RPTOR: variants seen among roughly 807,000 people sequenced by gnomAD.
RPTOR encodes the protein regulatory-associated protein of mTOR.
A neutral mutation model predicts 169.9 loss-of-function variants in RPTOR; 21 were observed. The observed-to-expected ratio is 0.12, with a 90% CI of 0.09 to 0.18. RPTOR has a LOEUF of 0.18. Among genes scored for constraint, RPTOR ranks in the 10% least tolerant of loss-of-function variants. RPTOR has a pLI of 1.00. For missense variants in RPTOR, 1,133 were observed against 1,855.9 expected (o/e 0.61, Z 7.16); for synonymous variants, 732 against 753.2 (o/e 0.97, Z 0.46).
At chr17:80,745,139 A>AATTTCC (rs2066559654) in intron 5 of RPTOR, among the ~76,000 whole-genome samples, 1 of 152,246 alleles carries the variant, frequency 6.6e-6, no homozygotes, top group African/African-American at 2.4e-5. Context: ...GAGGGTGAAG[A>AATTTCC]ATTTCCAGTA....
chr17:80,757,285 T>G (rs56032528), intron 6 of RPTOR, among the ~76,000 whole-genome samples: 26,967 of 152,082 alleles, frequency 0.18, 2,836 homozygotes, highest in East Asian at 0.24. Context: ...AACCAGAAAT[T>G]AATGGGAGAC....
intron 5 of RPTOR, among the ~76,000 whole-genome samples, chr17:80,744,370 C>T (rs1468619858): frequency 8.6e-6 from 1 of 116,746 alleles, no homozygotes; most frequent in Non-Finnish European, 1.8e-5. Flanking sequence ...GTCCTGGTTA[C>T]GAGCACAGCC....
intron 1 of RPTOR, among the ~76,000 whole-genome samples, chr17:80,605,478 T>C (rs2065222022): frequency 6.6e-6 from 1 of 152,164 alleles, no homozygotes; most frequent in African/African-American, 2.4e-5. Context: ...TCCGTTACTG[T>C]GTCCGTGATG....
intron 21 of RPTOR, among the ~76,000 whole-genome samples, chr17:80,917,759 C>G (rs2068691290): frequency 6.6e-6 from 1 of 152,168 alleles, no homozygotes; most frequent in Admixed American, 6.5e-5. Flanking sequence ...GTGATCCCTC[C>G]CTCTAGAACT....
At chr17:80,751,153 G>C (rs545480315) in intron 5 of RPTOR, among the ~76,000 whole-genome samples, 1 of 152,162 alleles carries the variant, frequency 6.6e-6, no homozygotes, top group African/African-American at 2.4e-5. Flanking sequence ...ACCGTGGTGC[G>C]AGGTGGCTGT....
Position 80,659,698 on chromosome 17 carries a change from G to A in RPTOR, c.348+15888G>A, listed in dbSNP as rs2065706680. Among the ~76,000 whole-genome samples the A allele has an allele frequency of 1.3e-5, 2 of 151,984 alleles. No individual in the cohort carries two copies. Among genetic ancestry groups the A allele is most frequent in the South Asian group, 2.1e-4 (1 of 4,810 alleles). ...ATTTCTGTATTTTTAGTAGAGATGT[G>A]GTTTCACCATGTTGGCCAGGCTGGT... On this transcript the variant is annotated intron_variant, in intron 3 of 33. Coordinates refer to ENST00000306801, the MANE Select transcript of RPTOR (RefSeq NM_020761.3). The surrounding 1 kb of genome is among the most constrained non-coding windows in gnomAD (Gnocchi z 4.3).
intron 20 of RPTOR, among the ~76,000 whole-genome samples, chr17:80,907,734 C>T (rs966154477): frequency 1.3e-5 from 2 of 152,248 alleles, no homozygotes; most frequent in Non-Finnish European, 2.9e-5. Context: ...GGCTCCGCGT[C>T]CCCATCACCT....
At chr17:80,777,323 A>T (rs1411476586) in intron 6 of RPTOR, among the ~76,000 whole-genome samples, 2 of 152,100 alleles carry the variant, frequency 1.3e-5, no homozygotes, top group Non-Finnish European at 2.9e-5. Flanking sequence ...GATAGTAAAG[A>T]TCACCTGGTT....
chr17:80,784,767 C>T (rs7209132), intron 6 of RPTOR, among the ~76,000 whole-genome samples: 89,613 of 150,548 alleles, frequency 0.6, 27,288 homozygotes, highest in East Asian at 0.77. Flanking sequence ...GGCGCAATCT[C>T]GGCTCACTGC....
chr17:80,548,472 C>A (rs1457600935), intron 1 of RPTOR, among the ~76,000 whole-genome samples: 1 of 149,892 alleles, frequency 6.7e-6, no homozygotes, highest in African/African-American at 2.5e-5. Context: ...ACCTCCGCCT[C>A]CCAGGATCAA....
chr17:80,947,892 G>A lies in RPTOR; in HGVS notation c.3265+541G>A, dbSNP rs1454902697. Among the ~76,000 whole-genome samples, 6 of 152,184 alleles carry A rather than the reference G, an allele frequency of 3.9e-5. No homozygotes were observed. The stretch of plus-strand genomic sequence containing the variant: ...CCGTAGTGGGTCTCACTCAGGTTTT[G>A]GTTTTCTTGGGTTTTCGGGGGGTTT... On this transcript the variant is annotated intron_variant, in intron 27 of 33. Transcript: ENST00000306801. This position sits in a 1 kb window ranked among gnomAD's most constrained non-coding sequence, Gnocchi z 4.4.
At chr17:80,589,284 G>T (rs895712459) in intron 1 of RPTOR, among the ~76,000 whole-genome samples, 3 of 152,110 alleles carry the variant, frequency 2.0e-5, no homozygotes, top group African/African-American at 7.2e-5. Flanking sequence ...GGGCTGAGAC[G>T]CGCCTGGGTC....
At chr17:80,639,043 C>G (rs760801294) in intron 2 of RPTOR, among the ~76,000 whole-genome samples, 3 of 152,160 alleles carry the variant, frequency 2.0e-5, no homozygotes, top group Non-Finnish European at 4.4e-5. Context: ...TGAGGAAGAT[C>G]ACACGCCTCT....
At chr17:80,571,442 T>G (rs1054711661) in intron 1 of RPTOR, among the ~76,000 whole-genome samples, 1 of 152,206 alleles carries the variant, frequency 6.6e-6, no homozygotes, top group African/African-American at 2.4e-5. Context: ...TAGGACTTCT[T>G]TATGTGTTGC....
Position 80,823,348 on chromosome 17 carries a change from AACAAGTGAAGC to A in RPTOR, c.1136+126_1136+136del. 1 of 1,244,924 alleles carries A rather than the reference AACAAGTGAAGC, an allele frequency of 8.0e-7. No individual in the cohort carries two copies. The highest frequency in any genetic ancestry group is 1.4e-5 in the South Asian group (1 of 69,028). 77.1% of individuals were successfully genotyped at this position (1,244,924 alleles called of 1,614,324 possible). A position where few individuals can be genotyped will look rare whatever the true frequency, so the allele number is the denominator to read the frequency against. On this transcript the variant is annotated intron_variant, in intron 9 of 33. Transcript: ENST00000306801. This position sits in a 1 kb window ranked among gnomAD's most constrained non-coding sequence, Gnocchi z 4.5. ...TAACTTGGGGACCCCGTGTAGCATT[AACAAGTGAAGC>A]TAAATGCAGGGCTCCCAGAGATCTC...
chr17:80,673,205 G>T (rs1050765435), intron 3 of RPTOR, among the ~76,000 whole-genome samples: 1 of 152,048 alleles, frequency 6.6e-6, no homozygotes, highest in African/African-American at 2.4e-5. Context: ...GGTGTGAGCC[G>T]CCACGCCCAG....
intron 11 of RPTOR, among the ~76,000 whole-genome samples, chr17:80,854,383 G>A (rs2067829505): frequency 6.6e-6 from 1 of 152,238 alleles, no homozygotes; most frequent in Admixed American, 6.5e-5. Context: ...TCACACCGCA[G>A]TGAGCGCTGC....
Position 80,923,681 on chromosome 17 carries a change from A to C in RPTOR, c.2808+8A>C. ...GACAAGGGCCCAGAGCAGGTACGGG[A>C]GCCCGGCTGCCTGGTGATCTGGACA... On this transcript the variant is annotated splice_region_variant and intron_variant, in intron 23 of 33. Coordinates refer to ENST00000306801, the MANE Select transcript of RPTOR (RefSeq NM_020761.3). 1 of 1,576,698 alleles carries C rather than the reference A, an allele frequency of 6.3e-7. No individual in the cohort carries two copies. Among genetic ancestry groups the C allele is most frequent in the Non-Finnish European group, 8.6e-7 (1 of 1,157,734 alleles).
At chr17:80,563,168 G>T (rs893114019) in intron 1 of RPTOR, among the ~76,000 whole-genome samples, 68 of 152,052 alleles carry the variant, frequency 4.5e-4, no homozygotes, top group Non-Finnish European at 7.5e-4. Context: ...TTTTCACCAA[G>T]ATGTGTTTTT....
Sources: gnomAD v4.1 joint callset for allele counts (sites outside exome capture counted in the v4.1 genomes callset) on GRCh38, gnomAD v4.1.1 for gene constraint, Gnocchi (gnomAD v3.1) non-coding constraint, MANE v1.5 for transcripts, NCBI Gene and HGNC (gene_info 2026-07-23, HGNC 2026-07-21) for gene names.